Variants in XKR4 observed in about 807,000 individuals in gnomAD.
The protein encoded by XKR4 is XK-related protein 4.
XKR4 carries 12 observed loss-of-function variants against 53.9 expected under a neutral mutation model. The ratio of observed to expected loss-of-function variants is 0.22; its 90% CI spans 0.14 to 0.36. The LOEUF is 0.36. Among genes scored for constraint, XKR4 ranks in the 10% least tolerant of loss-of-function variants. XKR4 has a pLI of 1.00. For synonymous variants in XKR4, 354 were observed against 362.4 expected, an observed-to-expected ratio of 0.98 and a Z score of 0.26; for missense variants, 799 against 859.5, an observed-to-expected ratio of 0.93 and a Z score of 0.88.
chr8:55,451,513 G>T, intron 2 of XKR4: 2 of 1,043,298 alleles, frequency 1.9e-6, no homozygotes, highest in Non-Finnish European at 2.9e-6. Flanking sequence ...TGCGTTCTGG[G>T]CCTTAAAGAG....
At chr8:55,122,986 C>T (rs530993221) in intron 1 of XKR4, among the ~76,000 whole-genome samples, 1 of 152,256 alleles carries the variant, frequency 6.6e-6, no homozygotes, top group Admixed American at 6.5e-5. Context: ...TCTGAACCCA[C>T]TTGTACCTGA....
At chr8:55,206,031 T>C (rs1817643837) in intron 1 of XKR4, among the ~76,000 whole-genome samples, 1 of 152,156 alleles carries the variant, frequency 6.6e-6, no homozygotes, top group African/African-American at 2.4e-5. Flanking sequence ...TCTGGAGTTG[T>C]TTGTTCCTAC....
Position 55,241,612 on chromosome 8 carries a change from G to A in XKR4, c.807-116066G>A, listed in dbSNP as rs79411849. 3.5e-3 allele frequency among the ~76,000 whole-genome samples: 526 copies of A among 152,180 alleles called. 4 individuals are homozygous for A. The highest frequency in any genetic ancestry group is 0.012 in the African/African-American group (501 of 41,502). ...CTGGCCTTCTGATAAGCCAAATTTG[G>A]CTTCATACCTTTTTCTTTCCAAATC... On this transcript the variant is annotated intron_variant, in intron 1 of 2. Coordinates refer to ENST00000327381, the MANE Select transcript of XKR4 (RefSeq NM_052898.2).
chr8:55,185,745 T>C (rs1178158750), intron 1 of XKR4, among the ~76,000 whole-genome samples: 1 of 152,210 alleles, frequency 6.6e-6, no homozygotes, highest in African/African-American at 2.4e-5. Flanking sequence ...TAGCTGAAAT[T>C]GCAGATTATT....
At chr8:55,343,412 G>A (rs563697812) in intron 1 of XKR4, among the ~76,000 whole-genome samples, 1 of 152,216 alleles carries the variant, frequency 6.6e-6, no homozygotes, top group African/African-American at 2.4e-5. Flanking sequence ...TGGGCAGGCT[G>A]TTGGCACAGG....
At chr8:55,461,028 C>A (rs1362476911) in intron 2 of XKR4, among the ~76,000 whole-genome samples, 1 of 152,174 alleles carries the variant, frequency 6.6e-6, no homozygotes, top group Non-Finnish European at 1.5e-5. Flanking sequence ...AGGCCTGCCT[C>A]TGTAGGCTCC....
At chr8:55,312,489 C>T (rs375867726) in intron 1 of XKR4, among the ~76,000 whole-genome samples, 2 of 152,122 alleles carry the variant, frequency 1.3e-5, no homozygotes. Context: ...TTTGCCACCT[C>T]GGAGATTCTT....
At chr8:55,463,957 C>G (rs1363132499) in intron 2 of XKR4, among the ~76,000 whole-genome samples, 1 of 152,122 alleles carries the variant, frequency 6.6e-6, no homozygotes, top group Admixed American at 6.6e-5. Context: ...AGACCAATAA[C>G]AGGCTCTGAA....
chr8:55,297,398 A>T (rs1240878678), intron 1 of XKR4, among the ~76,000 whole-genome samples: 1 of 152,230 alleles, frequency 6.6e-6, no homozygotes, highest in East Asian at 1.9e-4. Context: ...TGCATAAAAT[A>T]TTTGTTAAAA....
rs545350175 is a variant in XKR4, at chr8:55,285,737, G to A, written c.807-71941G>A. 4.6e-5 allele frequency among the ~76,000 whole-genome samples: 7 copies of A among 152,250 alleles called. No individual in the cohort carries two copies. The East Asian group carries it at 1.4e-3, about 29-fold the overall frequency. On this transcript the variant is annotated intron_variant, in intron 1 of 2. Transcript: ENST00000327381. The stretch of plus-strand genomic sequence containing the variant: ...AAGTTGTCTGAGTTTATCTGGTCTT[G>A]GGGATGCATGGAGATGGCTTTGTCT...
At chr8:55,348,691 T>TAAACACACAC (rs1554519701) in intron 1 of XKR4, among the ~76,000 whole-genome samples, 2,726 of 136,184 alleles carry the variant, frequency 0.02, 85 homozygotes, top group African/African-American at 0.069. Context: ...CAGACAAACA[T>TAAACACACAC]ACACACACAC....
At chr8:55,350,790 A>G (rs1490254891) in intron 1 of XKR4, among the ~76,000 whole-genome samples, 1 of 131,956 alleles carries the variant, frequency 7.6e-6, no homozygotes, top group South Asian at 2.3e-4. Flanking sequence ...CCCTGGCTGG[A>G]GTGCAGTGGC....
intron 1 of XKR4, among the ~76,000 whole-genome samples, chr8:55,188,849 AGGATAAGCAAGATAATGCAAGTTAAAG>A (rs1817410353): frequency 6.6e-6 from 1 of 152,212 alleles, no homozygotes; most frequent in Non-Finnish European, 1.5e-5. Context: ...AGTTGTTGGG[AGGATAAGCAAGATAATGCAAGTTAAAG>A]TCCTTAATAC....
chr8:55,493,485 C>G (rs1806299799), intron 2 of XKR4, among the ~76,000 whole-genome samples: 1 of 152,176 alleles, frequency 6.6e-6, no homozygotes, highest in Non-Finnish European at 1.5e-5. Flanking sequence ...CCTCCCATTG[C>G]CAACAAGGAA....
At chr8:55,516,730 TA>T (rs1357009031) in intron 2 of XKR4, among the ~76,000 whole-genome samples, 2 of 152,192 alleles carry the variant, frequency 1.3e-5, no homozygotes, top group Non-Finnish European at 2.9e-5. Flanking sequence ...CTCAAAGAAC[TA>T]AAATTAGAAC....
intron 2 of XKR4, among the ~76,000 whole-genome samples, chr8:55,480,332 C>T (rs1806080492): frequency 6.6e-6 from 1 of 152,152 alleles, no homozygotes; most frequent in South Asian, 2.1e-4. Context: ...GCAGAAAACG[C>T]CTTTGACAAA....
At chr8:55,161,494 C>A (rs1816984854) in intron 1 of XKR4, 2 of 454,958 alleles carry the variant, frequency 4.4e-6, no homozygotes, top group Non-Finnish European at 8.8e-6. Context: ...TCCTTTATAG[C>A]CACCATCTGA....
chr8:55,412,598 T>C (rs1013550722), intron 2 of XKR4, among the ~76,000 whole-genome samples: 1 of 152,108 alleles, frequency 6.6e-6, no homozygotes, highest in East Asian at 1.9e-4. Flanking sequence ...AACAGAAACA[T>C]TTTCAAGCCC....
chr8:55,148,403 TAA>T (rs201984153), intron 1 of XKR4, among the ~76,000 whole-genome samples: 3 of 150,206 alleles, frequency 2.0e-5, no homozygotes, highest in African/African-American at 2.4e-5. Flanking sequence ...AGACCCTGTC[TAA>T]AAAAAAATAT....
Sources: gnomAD v4.1 joint callset for allele counts (sites outside exome capture counted in the v4.1 genomes callset) on GRCh38, gnomAD v4.1.1 for gene constraint, MANE v1.5 for transcripts, NCBI Gene and HGNC (gene_info 2026-07-23, HGNC 2026-07-21) for gene names.